The following MAOB variants were observed in gnomAD, a reference collection of about 807,000 sequenced individuals.
MAOB encodes amine oxidase [flavin-containing] B.
A neutral mutation model predicts 41.9 loss-of-function variants in MAOB; 15 were observed. The observed-to-expected ratio is 0.36, with a 90% CI of 0.24 to 0.55. MAOB has a LOEUF of 0.55. Among genes scored for constraint, MAOB ranks in the 20% least tolerant of loss-of-function variants. MAOB has a pLI of 0.86. For synonymous variants in MAOB, 167 were observed against 144.2 expected (o/e 1.16, Z -1.13); for missense variants, 345 against 398.7 (o/e 0.87, Z 1.15).
rs1474582284 is a variant in MAOB at position 43,767,277 on chromosome X, G to A, written c.*189C>T. The A allele has an allele frequency of 2.5e-6, 1 of 400,221 alleles. No homozygotes were observed. Among genetic ancestry groups the A allele is most frequent in the Non-Finnish European group, 4.2e-6 (1 of 239,309 alleles). 33.0% of individuals were successfully genotyped at this position (400,221 alleles called of 1,213,427 possible). ...TGAAACAGAACGCTAAGCCAGGTAA[G>A]GGACACTAAGCAGGGGCCACAACGG... On this transcript the variant is annotated 3_prime_UTR_variant, in exon 15 of 15. Coordinates refer to ENST00000378069, the MANE Select transcript of MAOB (RefSeq NM_000898.5).
At chrX:43,806,117 G>A (rs1337717107) in intron 3 of MAOB, among the ~76,000 whole-genome samples, 2 of 112,099 alleles carry the variant, frequency 1.8e-5, no homozygotes, top group Non-Finnish European at 3.8e-5. Flanking sequence ...TCTAATGTTA[G>A]CATCTTACAT....
chrX:43,809,429 T>C (rs2034714468), intron 3 of MAOB, among the ~76,000 whole-genome samples: 1 of 112,536 alleles, frequency 8.9e-6, no homozygotes, highest in Non-Finnish European at 1.9e-5. Context: ...TAAAACACTT[T>C]ACCCTTTAAC....
chrX:43,841,748 A>C (rs936891928), intron 2 of MAOB, among the ~76,000 whole-genome samples: 19 of 112,161 alleles, frequency 1.7e-4, no homozygotes, highest in Non-Finnish European at 3.2e-4. Context: ...GCTCAAAAAT[A>C]AACCCACACA....
rs113045788 is a variant in MAOB, at chrX:43,780,292, T to TG, written c.1079+49dup. 68 of 978,260 alleles carry TG rather than the reference T, an allele frequency of 7.0e-5. No homozygotes were observed. The South Asian group carries it at 1.1e-3, about 15-fold the overall frequency. 80.6% of individuals were successfully genotyped at this position (978,260 alleles called of 1,213,427 possible). ...AGAGAAAAGGGAGGGAGGGATGGAG[T>TG]GGGGGGGAAAGGAAGGAAGAAACGA... On this transcript the variant is annotated intron_variant, in intron 10 of 14. Coordinates refer to ENST00000378069, the MANE Select transcript of MAOB (RefSeq NM_000898.5).
intron 1 of MAOB, among the ~76,000 whole-genome samples, chrX:43,848,113 A>T (rs1194704265): frequency 8.9e-6 from 1 of 111,770 alleles, no homozygotes; most frequent in Non-Finnish European, 1.9e-5. Flanking sequence ...GTTTTTTGCC[A>T]AGAAAATGGC....
At chrX:43,797,362 G>T in intron 5 of MAOB, 96 bp from the exon 6 acceptor site, 1 of 717,201 alleles carries the variant, frequency 1.4e-6, no homozygotes, top group Non-Finnish European at 1.9e-6. Flanking sequence ...TCTTGGTTAA[G>T]TTTAAAACAA....
At chrX:43,836,691 G>A (rs2035075901) in intron 3 of MAOB, among the ~76,000 whole-genome samples, 1 of 112,191 alleles carries the variant, frequency 8.9e-6, no homozygotes, top group African/African-American at 3.2e-5. Flanking sequence ...TCTCAAGATA[G>A]TATTATAAAG....
At chrX:43,800,310 A>C (rs1289982837) in intron 5 of MAOB, among the ~76,000 whole-genome samples, 1 of 111,375 alleles carries the variant, frequency 9.0e-6, no homozygotes, top group Non-Finnish European at 1.9e-5. Context: ...AATTTATTAA[A>C]AGCTTTTCAT....
At chrX:43,824,115 T>C (rs1172514349) in intron 3 of MAOB, among the ~76,000 whole-genome samples, 2 of 112,102 alleles carry the variant, frequency 1.8e-5, no homozygotes, top group Non-Finnish European at 3.8e-5. Context: ...CTCACACATA[T>C]GTACATGAGT....
chrX:43,801,123 C>G (rs2034588036), intron 5 of MAOB, among the ~76,000 whole-genome samples: 1 of 105,709 alleles, frequency 9.5e-6, no homozygotes, highest in African/African-American at 3.6e-5. Flanking sequence ...ATGCCTCTCT[C>G]TTCTTTTTTT....
At chrX:43,841,342 A>G (rs2035134827) in intron 2 of MAOB, among the ~76,000 whole-genome samples, 1 of 111,931 alleles carries the variant, frequency 8.9e-6, no homozygotes, top group African/African-American at 3.2e-5. Context: ...AAATTGGTAA[A>G]TAATTCTTTT....
chrX:43,771,454 G>A (rs1434617873), intron 12 of MAOB, among the ~76,000 whole-genome samples: 5 of 111,197 alleles, frequency 4.5e-5, no homozygotes, highest in Non-Finnish European at 9.4e-5. Flanking sequence ...AATTTATGGT[G>A]GGTTTATTGG....
At chrX:43,843,248 G>A (rs1268133256) in intron 2 of MAOB, among the ~76,000 whole-genome samples, 1 of 110,210 alleles carries the variant, frequency 9.1e-6, no homozygotes, top group Non-Finnish European at 1.9e-5. Context: ...CTCCAAAAAA[G>A]TTTAGTTTGT....
intron 1 of MAOB, among the ~76,000 whole-genome samples, chrX:43,869,239 T>C (rs930149519): frequency 8.9e-6 from 1 of 111,959 alleles, no homozygotes; most frequent in Non-Finnish European, 1.9e-5. Flanking sequence ...ATAATTTGTT[T>C]TGGAATAGAA....
chrX:43,820,590 C>G lies in MAOB; in HGVS notation c.280-17186G>C, dbSNP rs751003047. Among the ~76,000 whole-genome samples, 311 of 112,016 alleles carry G rather than the reference C, an allele frequency of 2.8e-3. 1 individual carries two copies. The highest frequency in any genetic ancestry group is 4.5e-3 in the Non-Finnish European group (240 of 53,216). ...ACATTCAAACACCAGAAACCACTTGCAAAAAGTCCGTTTTTGCGTACAGAT... is the reference window on the plus strand; with the variant it reads ...ACATTCAAACACCAGAAACCACTTGGAAAAAGTCCGTTTTTGCGTACAGAT... On this transcript the variant is annotated intron_variant, in intron 3 of 14. Coordinates refer to ENST00000378069, the MANE Select transcript of MAOB (RefSeq NM_000898.5).
rs760523995 is a variant in MAOB at position 43,793,612 on chromosome X, C to T, written c.769-34G>A. 6 of 1,121,084 alleles carry T rather than the reference C, an allele frequency of 5.4e-6. No individual in the cohort carries two copies. In the African/African-American group the frequency reaches 7.4e-5, roughly 14 times the overall value. The allele number at this position is 1,121,084 out of a possible 1,213,427, so 92.4% of individuals were successfully genotyped here. On this transcript the variant is annotated intron_variant, in intron 7 of 14. Transcript: ENST00000378069. ...AAAGCAACATGGTTAAACATTGTTGCCGTGTTGCTTTTGTTTTTTTCCCAA... is the reference window on the plus strand; with the variant it reads ...AAAGCAACATGGTTAAACATTGTTGTCGTGTTGCTTTTGTTTTTTTCCCAA...
intron 1 of MAOB, among the ~76,000 whole-genome samples, chrX:43,863,381 T>C (rs192774747): frequency 9.0e-6 from 1 of 110,878 alleles, no homozygotes; most frequent in African/African-American, 3.3e-5. Flanking sequence ...TAATAGAAAA[T>C]CAGGTGAAAA....
At chrX:43,840,877 C>T (rs1316099088) in intron 2 of MAOB, among the ~76,000 whole-genome samples, 1 of 107,531 alleles carries the variant, frequency 9.3e-6, no homozygotes, top group Non-Finnish European at 1.9e-5. Context: ...GGGCAGACAC[C>T]GAGCTAGCTG....
chrX:43,791,935 A>C (rs2034468269), intron 8 of MAOB, among the ~76,000 whole-genome samples: 1 of 111,921 alleles, frequency 8.9e-6, no homozygotes, highest in African/African-American at 3.3e-5. Context: ...TGTTCTGCCC[A>C]ATTGAGTAGT....
Sources: allele counts gnomAD v4.1 joint callset (sites outside exome capture counted in the v4.1 genomes callset), GRCh38; gene constraint gnomAD v4.1.1; transcripts MANE v1.5; gene names NCBI Gene and HGNC (gene_info 2026-07-23, HGNC 2026-07-21).